Variants in WDR45B observed in about 807,000 individuals in gnomAD.
WDR45B encodes WD repeat domain 45B.
A neutral mutation model predicts 44.6 loss-of-function variants in WDR45B; 20 were observed. The observed-to-expected ratio is 0.45, with a 90% CI of 0.32 to 0.65. The LOEUF is 0.65. Ranked by LOEUF, WDR45B falls within the 30% of genes least tolerant of loss-of-function variation. The pLI is 0.05. For missense variants in WDR45B, 323 were observed against 430.2 expected, an observed-to-expected ratio of 0.75 and a Z score of 2.20; for synonymous variants, 169 against 164.9, an observed-to-expected ratio of 1.02 and a Z score of -0.19.
chr17:82,616,455 G>A (rs1438298080), intron 9 of WDR45B, 69 bp downstream of exon 9: 55 of 1,610,640 alleles, frequency 3.4e-5, no homozygotes, highest in Non-Finnish European at 4.4e-5. Context: ...GGGAAGTTAG[G>A]TCTGACGCTC....
chr17:82,636,830 T>C (rs923182420), intron 2 of WDR45B, among the ~76,000 whole-genome samples: 4 of 151,982 alleles, frequency 2.6e-5, no homozygotes, highest in African/African-American at 9.7e-5. Flanking sequence ...CCTGTACACA[T>C]TGTTCCCCTG....
intron 1 of WDR45B, among the ~76,000 whole-genome samples, chr17:82,648,035 G>C (rs902294677): frequency 3.4e-5 from 5 of 146,664 alleles, no homozygotes; most frequent in South Asian, 2.6e-4. Flanking sequence ...CCCGGGGGGT[G>C]GGGGAGCGCG....
intron 8 of WDR45B, among the ~76,000 whole-genome samples, chr17:82,616,923 T>C (rs1168151369): frequency 6.6e-6 from 1 of 152,120 alleles, no homozygotes; most frequent in Non-Finnish European, 1.5e-5. Flanking sequence ...CTTCAAGCGA[T>C]TCTCCTGCCT....
rs570053488 is a variant in WDR45B at position 82,641,875 on chromosome 17, G to A, written c.142+2074C>T. On this transcript the variant is annotated intron_variant, in intron 2 of 9. Coordinates refer to ENST00000392325, the MANE Select transcript of WDR45B (RefSeq NM_019613.4). Reference sequence around the variant, plus strand: ...ATCACACCACTGCACTCCAGCCTGGGCAACAGAGCGAGACAACGTCAGAGA... The same window carrying A: ...ATCACACCACTGCACTCCAGCCTGGACAACAGAGCGAGACAACGTCAGAGA... Among the ~76,000 whole-genome samples, 146 of 152,070 alleles carry A rather than the reference G, an allele frequency of 9.6e-4. 5 individuals carry two copies. The Middle Eastern group carries it at 0.02, about 21-fold the overall frequency.
intron 5 of WDR45B, 24 bp from the exon 6 acceptor site, chr17:82,621,823 A>G (rs781307158): frequency 1.9e-6 from 3 of 1,613,216 alleles, no homozygotes; most frequent in Admixed American, 1.7e-5. Flanking sequence ...GAGGACACCA[A>G]TCAAGAACTG....
chr17:82,626,533 C>CAAAA (rs562186058), intron 4 of WDR45B, among the ~76,000 whole-genome samples: 1,260 of 79,146 alleles, frequency 0.016, 43 homozygotes, highest in Middle Eastern at 0.021. Context: ...CTCTATCTCC[C>CAAAA]AAAAAAAAAA....
At position 82,648,408 on chromosome 17, in the gene WDR45B, C is replaced by G; in HGVS notation, c.-68G>C. 1.3e-6 allele frequency: 2 copies of G among 1,564,246 alleles called. No individual in the cohort carries two copies. The highest frequency in any genetic ancestry group is 1.7e-6 in the Non-Finnish European group (2 of 1,155,422). On this transcript the variant is annotated 5_prime_UTR_variant, in exon 1 of 10. Transcript: ENST00000392325. Reference sequence around the variant, plus strand: ...TCTCGCTGGGGACGGCGGCCTGGTCCCTTCGGGCCGGCGCTGAGGCCGCCG... The same window carrying G: ...TCTCGCTGGGGACGGCGGCCTGGTCGCTTCGGGCCGGCGCTGAGGCCGCCG...
chr17:82,633,788 G>A (rs2045798589), intron 2 of WDR45B, among the ~76,000 whole-genome samples: 1 of 152,152 alleles, frequency 6.6e-6, no homozygotes, highest in Non-Finnish European at 1.5e-5. Context: ...GCCAAGGCAG[G>A]ATGATGACTT....
intron 2 of WDR45B, among the ~76,000 whole-genome samples, chr17:82,641,317 A>G (rs1342557521): frequency 1.3e-5 from 2 of 152,200 alleles, no homozygotes; most frequent in East Asian, 1.9e-4. Context: ...CACTTCATTA[A>G]TTAGGAAGCA....
At chr17:82,622,309 G>A (rs1409423797) in intron 5 of WDR45B, among the ~76,000 whole-genome samples, 1 of 152,186 alleles carries the variant, frequency 6.6e-6, no homozygotes, top group Non-Finnish European at 1.5e-5. Context: ...TGGAAGATTG[G>A]CTATTACTAT....
At chr17:82,620,933 G>A (rs933962644) in intron 6 of WDR45B, among the ~76,000 whole-genome samples, 1 of 152,152 alleles carries the variant, frequency 6.6e-6, no homozygotes, top group African/African-American at 2.4e-5. Context: ...TGAGCTGTGT[G>A]TTATCAGGCT....
chr17:82,615,732 T>A lies in WDR45B; in HGVS notation c.*187A>T, dbSNP rs1280816874. 1.6e-6 allele frequency: 1 copy of A among 623,690 alleles called. No homozygotes were observed. The highest frequency in any genetic ancestry group is 2.9e-6 in the Non-Finnish European group (1 of 348,750). 38.6% of individuals were successfully genotyped at this position (623,690 alleles called of 1,614,324 possible). A position where few individuals can be genotyped will look rare whatever the true frequency, so the allele number is the denominator to read the frequency against. On this transcript the variant is annotated 3_prime_UTR_variant, in exon 10 of 10. Transcript: ENST00000392325. ...CACTGAGTTACCTACGGTGCCTTGA[T>A]GATGATTCTCTCTTTAATACTGGAA... is the stretch of plus-strand genomic sequence containing the variant.
intron 2 of WDR45B, among the ~76,000 whole-genome samples, chr17:82,631,758 A>C (rs540560758): frequency 1.3e-4 from 19 of 151,716 alleles, no homozygotes; most frequent in Non-Finnish European, 1.6e-4. Context: ...TAACTCAGCA[A>C]AATGTATGAA....
chr17:82,639,548 A>G (rs1246278784), intron 2 of WDR45B, among the ~76,000 whole-genome samples: 1 of 151,574 alleles, frequency 6.6e-6, no homozygotes, highest in Non-Finnish European at 1.5e-5. Flanking sequence ...TGCTACCTAC[A>G]CATTGCAGGC....
chr17:82,619,927 G>A lies in WDR45B; in HGVS notation c.619-799C>T, dbSNP rs181719063. Among the ~76,000 whole-genome samples, 9 of 152,236 alleles carry A rather than the reference G, an allele frequency of 5.9e-5. No individual in the cohort carries two copies. In the East Asian group the frequency reaches 1.7e-3, roughly 29 times the overall value. On this transcript the variant is annotated intron_variant, in intron 6 of 9. Transcript: ENST00000392325. ...TCCCATCTACCTGGCTAACCCGGAG[G>A]GCACCGCTGCGGCTAAGAAAGCAGG...
At chr17:82,647,356 ATTC>A (rs1296844146) in intron 1 of WDR45B, among the ~76,000 whole-genome samples, 1 of 152,240 alleles carries the variant, frequency 6.6e-6, no homozygotes, top group Non-Finnish European at 1.5e-5. Flanking sequence ...AATAACGGAC[ATTC>A]CTTTTCCTCC....
intron 7 of WDR45B, 124 bp from the exon 8 acceptor site, chr17:82,617,521 G>C: frequency 1.1e-6 from 1 of 908,340 alleles, no homozygotes; most frequent in Non-Finnish European, 1.8e-6. Flanking sequence ...TGCCAATTCT[G>C]AATACTGCCC....
intron 1 of WDR45B, among the ~76,000 whole-genome samples, chr17:82,645,460 C>T (rs931931976): frequency 6.6e-6 from 1 of 151,940 alleles, no homozygotes; most frequent in African/African-American, 2.4e-5. Flanking sequence ...CAGGAAAATG[C>T]AAATAAACAA....
At chr17:82,624,711 T>C (rs548213464) in intron 5 of WDR45B, among the ~76,000 whole-genome samples, 1,671 of 147,874 alleles carry the variant, frequency 0.011, 9 homozygotes, top group Middle Eastern at 0.021. Context: ...CTCTACCTCC[T>C]GGGTTCAAGT....
Sources: gnomAD v4.1 joint callset for allele counts (sites outside exome capture counted in the v4.1 genomes callset) on GRCh38, gnomAD v4.1.1 for gene constraint, MANE v1.5 for transcripts, NCBI Gene and HGNC (gene_info 2026-07-23, HGNC 2026-07-21) for gene names.